ESR1: variants seen among roughly 807,000 people sequenced by gnomAD.
ESR1 encodes estrogen receptor.
Under a neutral mutation model 52.7 loss-of-function variants are expected in ESR1, and 12 were observed. That is an observed-to-expected ratio of 0.23 (90% CI 0.15 to 0.37). The LOEUF is 0.37. Ranked by LOEUF, ESR1 falls within the 10% of genes least tolerant of loss-of-function variation. The pLI, the probability that ESR1 is intolerant of heterozygous loss-of-function variation, is 1.00. For missense variants in ESR1, 584 were observed against 779.7 expected, an observed-to-expected ratio of 0.75 and a Z score of 2.99; for synonymous variants, 305 against 316.8, an observed-to-expected ratio of 0.96 and a Z score of 0.39.
intron 2 of ESR1, among the ~76,000 whole-genome samples, chr6:151,798,650 A>G (rs1449076232): frequency 3.3e-5 from 5 of 152,240 alleles, no homozygotes; most frequent in Non-Finnish European, 7.3e-5. Context: ...TTCCCCAATG[A>G]GTATGATAGC....
intron 4 of ESR1, among the ~76,000 whole-genome samples, chr6:152,010,404 C>T (rs1356253248): frequency 6.6e-6 from 1 of 152,014 alleles, no homozygotes; most frequent in Non-Finnish European, 1.5e-5. Context: ...AGAACACGCA[C>T]ACACATACAC....
intron 6 of ESR1, among the ~76,000 whole-genome samples, chr6:152,120,300 G>C (rs892343346): frequency 6.6e-6 from 1 of 152,204 alleles, no homozygotes; most frequent in African/African-American, 2.4e-5. Context: ...TGAGGGAAGA[G>C]CGAGGCCTGA....
At chr6:151,925,494 C>T (rs2032569808) in intron 3 of ESR1, among the ~76,000 whole-genome samples, 1 of 152,134 alleles carries the variant, frequency 6.6e-6, no homozygotes, top group South Asian at 2.1e-4. Context: ...GTAATCCCAG[C>T]TACTTGGGAG....
chr6:151,805,553 C>T (rs1777709073), upstream of ESR1: 1 of 152,770 alleles, frequency 6.5e-6, no homozygotes, highest in African/African-American at 2.4e-5. Flanking sequence ...GCAAGTCTCC[C>T]CTCACTCCCC....
upstream of ESR1, among the ~76,000 whole-genome samples, chr6:151,802,194 C>T (rs1777318952): frequency 1.3e-5 from 2 of 152,052 alleles, no homozygotes; most frequent in Non-Finnish European, 2.9e-5. Context: ...TGAAAAAAGT[C>T]CAGGAGCTAA....
At chr6:152,071,410 A>T (rs571356796) in intron 6 of ESR1, among the ~76,000 whole-genome samples, 1 of 152,198 alleles carries the variant, frequency 6.6e-6, no homozygotes, top group South Asian at 2.1e-4. Flanking sequence ...AGAACGAGGG[A>T]CTTTGATTCC....
At chr6:152,104,521 A>G (rs2051038931), downstream of ESR1, among the ~76,000 whole-genome samples, 1 of 152,154 alleles carries the variant, frequency 6.6e-6, no homozygotes, top group African/African-American at 2.4e-5. Flanking sequence ...TACATTTTTC[A>G]CGTTATTATC....
chr6:152,122,655 A>T (rs757485462), intron 6 of ESR1: 1 of 1,614,062 alleles, frequency 6.2e-7, no homozygotes, highest in Non-Finnish European at 8.5e-7. Context: ...AAAGGGAGGA[A>T]TCGGAGCCAC....
At chr6:151,985,469 C>T (rs1360442768) in intron 4 of ESR1, among the ~76,000 whole-genome samples, 3 of 133,008 alleles carry the variant, frequency 2.3e-5, no homozygotes, top group East Asian at 4.5e-4. Flanking sequence ...GATTGCGCCA[C>T]TGCACTCTAG....
At chr6:151,920,702 T>C (rs1309267096) in intron 3 of ESR1, among the ~76,000 whole-genome samples, 1 of 152,030 alleles carries the variant, frequency 6.6e-6, no homozygotes, top group Non-Finnish European at 1.5e-5. Flanking sequence ...CCTCATGGTT[T>C]GACTGGCTTT....
At chr6:152,012,050 A>ACT (rs1554307501) in intron 5 of ESR1, among the ~76,000 whole-genome samples, 3 of 138,782 alleles carry the variant, frequency 2.2e-5, no homozygotes, top group East Asian at 2.7e-4. Flanking sequence ...ACACACACTC[A>ACT]CACTCTCTCT....
chr6:151,893,406 G>T (rs1177249647), intron 3 of ESR1, among the ~76,000 whole-genome samples: 1 of 151,926 alleles, frequency 6.6e-6, no homozygotes, highest in Non-Finnish European at 1.5e-5. Flanking sequence ...TTTAGTTTAT[G>T]CTTGATTCAG....
At chr6:151,853,197 A>AAAAAAAGAG (rs1554269040) in intron 2 of ESR1, among the ~76,000 whole-genome samples, 1 of 140,250 alleles carries the variant, frequency 7.1e-6, no homozygotes, top group African/African-American at 2.9e-5. Context: ...AAAAAAAAAA[A>AAAAAAAGAG]AGAGAAAGAA....
chr6:151,683,376 G>A (rs1208315455), intron 1 of ESR1, among the ~76,000 whole-genome samples: 1 of 151,642 alleles, frequency 6.6e-6, no homozygotes, highest in Non-Finnish European at 1.5e-5. Context: ...GGTCTCTTTG[G>A]ATATTGGGGA....
chr6:151,683,864 A>ATTTTTTTTTTTTT (rs66983259), intron 1 of ESR1, among the ~76,000 whole-genome samples: 2 of 118,476 alleles, frequency 1.7e-5, no homozygotes, highest in African/African-American at 3.3e-5. Context: ...ACGTCTGGCT[A>ATTTTTTTTTTTTT]TTTTTTTTTT....
intron 1 of ESR1, among the ~76,000 whole-genome samples, chr6:151,837,005 C>A (rs1260066280): frequency 1.3e-5 from 2 of 152,002 alleles, no homozygotes; most frequent in South Asian, 2.1e-4. Flanking sequence ...GAGCTTTAAA[C>A]TTTTCCTTTG....
chr6:152,006,705 T>G (rs1012662796), intron 4 of ESR1, among the ~76,000 whole-genome samples: 1 of 152,018 alleles, frequency 6.6e-6, no homozygotes, highest in African/African-American at 2.4e-5. Context: ...TATTCAACTC[T>G]TCTTCTATTG....
In ESR1 at chr6:152,000,344, G is replaced by A. The variant is rs187973588; in HGVS notation, c.1097-11312G>A. On this transcript the variant is annotated intron_variant, in intron 4 of 7. Transcript: ENST00000206249. The stretch of plus-strand genomic sequence containing the variant: ...AAGTGGCAAAGCTGGACCTAACAAA[G>A]CCCATTATCCCTTCTATCACACATT... 4.1e-3 allele frequency among the ~76,000 whole-genome samples: 616 copies of A among 152,074 alleles called. 4 individuals carry two copies. The highest frequency in any genetic ancestry group is 0.014 in the African/African-American group (573 of 41,526).
At chr6:151,984,027 C>G (rs1005080451) in intron 4 of ESR1, 6 of 152,130 alleles carry the variant, frequency 3.9e-5, no homozygotes, top group African/African-American at 1.5e-4. Flanking sequence ...TCCACCAACT[C>G]TCCCTGAAGA....
Sources: gnomAD v4.1 joint callset for allele counts (sites outside exome capture counted in the v4.1 genomes callset) on GRCh38, gnomAD v4.1.1 for gene constraint, MANE v1.5 for transcripts, NCBI Gene and HGNC (gene_info 2026-07-23, HGNC 2026-07-21) for gene names.